VPS72: variants seen among roughly 807,000 people sequenced by gnomAD.
VPS72 encodes the protein vacuolar protein sorting 72 homolog, also known as vacuolar protein sorting-associated protein 72 homolog.
In VPS72, 27 loss-of-function variants were observed where a neutral mutation model predicts 38.9. That is an observed-to-expected ratio of 0.69 (90% CI 0.51 to 0.96). VPS72 has a LOEUF of 0.96. VPS72 is among the 40% of genes least tolerant of loss of function. VPS72 has a pLI of 0.00. For synonymous variants in VPS72, 173 were observed against 186.3 expected (o/e 0.93, Z 0.58); for missense variants, 360 against 479.5 (o/e 0.75, Z 2.33).
rs111786801 is a variant in VPS72, at chr1:151,186,725, G to A, written c.118-775C>T. ...AGCATGTTTATGGAATAAGGATTTA[G>A]ATCTAAGTAAAACTTTTCTCTGTCA... On this transcript the variant is annotated intron_variant, in intron 1 of 5. Coordinates refer to ENST00000368892, the MANE Select transcript of VPS72 (RefSeq NM_005997.3). Among the ~76,000 whole-genome samples the A allele has an allele frequency of 8.2e-3, 1,252 of 152,298 alleles. 12 individuals are homozygous for A. The highest frequency in any genetic ancestry group is 0.034 in the Middle Eastern group (10 of 294).
intron 3 of VPS72, 23 bp from the exon 4 acceptor site, chr1:151,184,516 G>A (rs755032502): frequency 5.7e-6 from 9 of 1,565,554 alleles, no homozygotes; most frequent in Non-Finnish European, 2.6e-6. Flanking sequence ...GAGATAAGAA[G>A]AAATCTTTGA....
intron 1 of VPS72, among the ~76,000 whole-genome samples, chr1:151,188,424 G>A (rs889485506): frequency 6.6e-6 from 1 of 152,170 alleles, no homozygotes; most frequent in African/African-American, 2.4e-5. Flanking sequence ...TCTCATTACA[G>A]AGTAAGTAAC....
Position 151,184,320 on chromosome 1 carries a change from G to A in VPS72, c.559C>T (p.Leu187=), listed in dbSNP as rs755113035. The A allele has an allele frequency of 6.2e-7, 1 of 1,613,848 alleles. No homozygotes were observed. The change falls in exon 4 of 6, where the codon CTG becomes TTG. Residue 187 remains leucine (L), a synonymous_variant. Coordinates refer to ENST00000368892, the MANE Select transcript of VPS72 (RefSeq NM_005997.3). ...KITEELNLRS[L]ETYERLEADK... ...TTTTCTGAAACCACAGACTTACCCAGTGACCGTAAATTAAGCTCTTCTGTG... is the reference window on the plus strand; with the variant it reads ...TTTTCTGAAACCACAGACTTACCCAATGACCGTAAATTAAGCTCTTCTGTG...
At position 151,176,710 on chromosome 1, in the gene VPS72, C is replaced by CGGGCCG; in HGVS notation, c.1023_1028dup (p.Gly342_Pro343dup). 2 of 1,614,046 alleles carry CGGGCCG rather than the reference C, an allele frequency of 1.2e-6. No individual in the cohort carries two copies. Among genetic ancestry groups the CGGGCCG allele is most frequent in the Non-Finnish European group, 1.7e-6 (2 of 1,179,994 alleles). On this transcript the variant is annotated inframe_insertion, in exon 6 of 6. Transcript: ENST00000368892. ...AGCCAGGGAGGGGCTCAGGAGGTGG[C>CGGGCCG]GGGCCGGGGCCCAGGGCTGAGGCAG... is the stretch of plus-strand genomic sequence containing the variant.
chr1:151,188,151 C>T (rs1684391936), intron 1 of VPS72, among the ~76,000 whole-genome samples: 1 of 152,110 alleles, frequency 6.6e-6, no homozygotes, highest in Non-Finnish European at 1.5e-5. Flanking sequence ...ATTCTCCTGC[C>T]TCAGCCTCCT....
Position 151,179,823 on chromosome 1 carries a change from G to A in VPS72, c.563-1678C>T, listed in dbSNP as rs149135424. Among the ~76,000 whole-genome samples, 293 of 152,200 alleles carry A rather than the reference G, an allele frequency of 1.9e-3. 2 individuals are homozygous for A. Among genetic ancestry groups the A allele is most frequent in the African/African-American group, 6.3e-3 (260 of 41,530 alleles). Reference sequence around the variant, plus strand: ...GGAGAATTGCTTGAACCTGGGAGGCGGAGGTTGCGGTGCGCCAAGATCATA... The same window carrying A: ...GGAGAATTGCTTGAACCTGGGAGGCAGAGGTTGCGGTGCGCCAAGATCATA... On this transcript the variant is annotated intron_variant, in intron 4 of 5. Transcript: ENST00000368892.
rs186028849 is a variant in VPS72, at chr1:151,183,031, A to C, written c.562+1286T>G. Among the ~76,000 whole-genome samples the C allele has an allele frequency of 3.6e-3, 546 of 152,308 alleles. 5 individuals are homozygous for C. Among genetic ancestry groups the C allele is most frequent in the Middle Eastern group, 0.01 (3 of 294 alleles). The stretch of plus-strand genomic sequence containing the variant: ...CCTCTCATCACTGCATGAATTGCTC[A>C]CAAACTCCTTAAATTCAACATGTTC... On this transcript the variant is annotated intron_variant, in intron 4 of 5. Transcript: ENST00000368892.
At position 151,176,987 on chromosome 1, in the gene VPS72, C is replaced by T. The variant is rs756443408; in HGVS notation, c.752G>A (p.Gly251Glu). 3.9e-5 allele frequency: 63 copies of T among 1,596,906 alleles called. No individual in the cohort carries two copies. Among genetic ancestry groups the T allele is most frequent in the Non-Finnish European group, 5.1e-5 (60 of 1,169,968 alleles). ...PSVSALTPHA[G>E]TGPVNPPARC... ...AGCAGGGGGGTTGACGGGTCCAGTCCCAGCATGAGGAGTCAATGCAGACAC... is the reference window on the plus strand; with the variant it reads ...AGCAGGGGGGTTGACGGGTCCAGTCTCAGCATGAGGAGTCAATGCAGACAC... Residue 251 changes from glycine to glutamate, a missense_variant, in exon 6 of 6, where the codon GGG (glycine) becomes GAG (glutamate). Transcript: ENST00000368892.
intron 4 of VPS72, among the ~76,000 whole-genome samples, chr1:151,181,267 T>TCA (rs901525470): frequency 6.8e-6 from 1 of 147,282 alleles, no homozygotes; most frequent in African/African-American, 2.5e-5. Flanking sequence ...TTTTTGAGTC[T>TCA]CACTCTGTTG....
At chr1:151,183,151 G>A (rs1374379201) in intron 4 of VPS72, among the ~76,000 whole-genome samples, 2 of 152,078 alleles carry the variant, frequency 1.3e-5, no homozygotes, top group African/African-American at 4.8e-5. Flanking sequence ...TTGCCGCGGG[G>A]TGGCCCAAGC....
Position 151,184,235 on chromosome 1 carries a change from A to T in VPS72, c.562+82T>A. On this transcript the variant is annotated intron_variant, in intron 4 of 5. Transcript: ENST00000368892. Reference sequence around the variant, plus strand: ...CATCATCCCAAATTTCCATCTCTCCAGTTCTTTGGTCCTCCAGGTCTCATG... The same window carrying T: ...CATCATCCCAAATTTCCATCTCTCCTGTTCTTTGGTCCTCCAGGTCTCATG... The T allele has an allele frequency of 4.6e-6, 7 of 1,529,594 alleles. No individual in the cohort carries two copies. The Admixed American group carries it at 1.4e-4, about 30-fold the overall frequency. The allele number at this position is 1,529,594 out of a possible 1,614,324, so 94.8% of individuals were successfully genotyped here. A position where few individuals can be genotyped will look rare whatever the true frequency, so the allele number is the denominator to read the frequency against.
At chr1:151,185,728 A>G in intron 2 of VPS72, 70 bp downstream of exon 2, 1 of 1,610,576 alleles carries the variant, frequency 6.2e-7, no homozygotes, top group Non-Finnish European at 8.5e-7. Flanking sequence ...TGGCATAGGG[A>G]GTACTGGGAC....
At chr1:151,181,694 A>G (rs1025674813) in intron 4 of VPS72, among the ~76,000 whole-genome samples, 2 of 152,154 alleles carry the variant, frequency 1.3e-5, no homozygotes, top group Admixed American at 1.3e-4. Flanking sequence ...CCATAAATTC[A>G]TGGTCCTAGC....
intron 4 of VPS72, among the ~76,000 whole-genome samples, chr1:151,180,046 C>T (rs1469928345): frequency 1.3e-5 from 2 of 151,698 alleles, no homozygotes; most frequent in Non-Finnish European, 2.9e-5. Context: ...AGGCCAGGTG[C>T]GGTGGCTCAT....
At chr1:151,183,293 G>A (rs925748766) in intron 4 of VPS72, among the ~76,000 whole-genome samples, 10 of 150,820 alleles carry the variant, frequency 6.6e-5, no homozygotes, top group Admixed American at 2.6e-4. Context: ...GCATGGTGGC[G>A]GGCACCTGTA....
rs1310239587 is a variant in VPS72 at position 151,184,329 on chromosome 1, A to C, written c.550T>G (p.Leu184Val). The change falls in exon 4 of 6, where the codon TTA becomes GTA. Residue 184 changes from leucine (L) to valine (V), a missense_variant. Leu to Val is a conservative substitution (Grantham distance 32, BLOSUM62 1). Transcript: ENST00000368892. ...REAKITEELN[L>V]RSLETYERLE... ...ACCACAGACTTACCCAGTGACCGTAAATTAAGCTCTTCTGTGATCTTGGCC... is the reference window on the plus strand; with the variant it reads ...ACCACAGACTTACCCAGTGACCGTACATTAAGCTCTTCTGTGATCTTGGCC... The C allele has an allele frequency of 6.2e-7, 1 of 1,613,884 alleles. No homozygotes were observed. The highest frequency in any genetic ancestry group is 8.5e-7 in the Non-Finnish European group (1 of 1,179,994).
intron 3 of VPS72, 100 bp from the exon 4 acceptor site, chr1:151,184,593 T>TC: frequency 7.7e-7 from 1 of 1,291,252 alleles, no homozygotes; most frequent in Non-Finnish European, 1.0e-6. Flanking sequence ...TTTTTTTCTT[T>TC]TTTTTTTTTT....
At chr1:151,187,394 T>G (rs747824869) in intron 1 of VPS72, among the ~76,000 whole-genome samples, 1 of 152,212 alleles carries the variant, frequency 6.6e-6, no homozygotes, top group Non-Finnish European at 1.5e-5. Flanking sequence ...TTTGCACTGA[T>G]GACCATCATT....
rs1444919388 is a variant in VPS72, at chr1:151,176,852, T to G, written c.887A>C (p.His296Pro). Residue 296 changes from histidine (H) to proline (P), a missense_variant, in exon 6 of 6, where the codon CAT becomes CCT. His to Pro is a moderately conservative substitution (Grantham distance 77, BLOSUM62 -2). Transcript: ENST00000368892. Reference protein sequence around the residue: ...VPVREVCPVTHRPALYRDPVT... With the variant: ...VPVREVCPVTPRPALYRDPVT... Reference sequence around the variant, plus strand: ...AGGGTCCCGGTATAGGGCTGGACGATGGGTCACTGGACAGACCTCACGAAC... The same window carrying G: ...AGGGTCCCGGTATAGGGCTGGACGAGGGGTCACTGGACAGACCTCACGAAC... The G allele has an allele frequency of 6.2e-7, 1 of 1,614,142 alleles. No homozygotes were observed. The highest frequency in any genetic ancestry group is 1.1e-5 in the South Asian group (1 of 91,080).
Sources: allele counts gnomAD v4.1 joint callset (sites outside exome capture counted in the v4.1 genomes callset), GRCh38; gene constraint gnomAD v4.1.1; transcripts MANE v1.5; gene names NCBI Gene and HGNC (gene_info 2026-07-23, HGNC 2026-07-21).